PRKCH: variants seen among roughly 807,000 people sequenced by gnomAD.
The protein encoded by PRKCH is protein kinase C eta type.
Under a neutral mutation model 82.5 loss-of-function variants are expected in PRKCH, and 28 were observed. The ratio of observed to expected loss-of-function variants is 0.34; its 90% CI spans 0.25 to 0.47. The LOEUF (loss-of-function observed/expected upper bound fraction) is 0.47, where lower values mean the gene tolerates loss of function less well. PRKCH is among the 20% of genes least tolerant of loss of function. The probability of loss-of-function intolerance (pLI) is 1.00; values close to 1 mark genes in which losing one functional copy is unlikely to be tolerated. For synonymous variants in PRKCH, 322 were observed against 327.4 expected (o/e 0.98, Z 0.18); for missense variants, 705 against 881.8 (o/e 0.80, Z 2.54).
At chr14:61,206,256 G>A (rs2044522879) in intron 1 of PRKCH, among the ~76,000 whole-genome samples, 4 of 152,208 alleles carry the variant, frequency 2.6e-5, no homozygotes, top group African/African-American at 9.6e-5. Flanking sequence ...CTGAAATCAA[G>A]GTGTCATCCG....
Position 61,520,748 on chromosome 14 carries a change from C to A in PRKCH, c.1434-8327C>A, listed in dbSNP as rs35686033. On this transcript the variant is annotated intron_variant, in intron 10 of 13. Coordinates refer to ENST00000332981, the MANE Select transcript of PRKCH (RefSeq NM_006255.5). ...GAAGGATGATTCCATCTAGCCTGAA[C>A]AAGGAAGCCAAAACATTGACACTTT... is the stretch of plus-strand genomic sequence containing the variant. 3.0e-3 allele frequency among the ~76,000 whole-genome samples: 458 copies of A among 152,296 alleles called. 3 individuals are homozygous for A. The highest frequency in any genetic ancestry group is 6.5e-3 in the Admixed American group (100 of 15,294).
At chr14:61,238,116 A>G (rs149173225) in intron 1 of PRKCH, among the ~76,000 whole-genome samples, 1 of 152,390 alleles carries the variant, frequency 6.6e-6, no homozygotes, top group Non-Finnish European at 1.5e-5. Context: ...AACTTAAACT[A>G]TGTAAGTAGG....
At chr14:61,297,124 G>A (rs1399010461) in intron 1 of PRKCH, among the ~76,000 whole-genome samples, 1 of 152,108 alleles carries the variant, frequency 6.6e-6, no homozygotes, top group African/African-American at 2.4e-5. Flanking sequence ...AGATGGCACT[G>A]TGCATCTCAA....
intron 1 of PRKCH, among the ~76,000 whole-genome samples, chr14:61,264,447 C>G (rs2140081993): frequency 6.6e-6 from 1 of 152,264 alleles, no homozygotes; most frequent in Non-Finnish European, 1.5e-5. Flanking sequence ...TCTAAGAAAG[C>G]CTGATTTGGC....
At chr14:61,408,432 T>TG (rs1042619523) in intron 2 of PRKCH, among the ~76,000 whole-genome samples, 1 of 152,172 alleles carries the variant, frequency 6.6e-6, no homozygotes, top group African/African-American at 2.4e-5. Flanking sequence ...CAGTCAAAAT[T>TG]TCCTGGGAAT....
intron 1 of PRKCH, among the ~76,000 whole-genome samples, chr14:61,251,073 A>G (rs1444063539): frequency 3.3e-5 from 5 of 152,118 alleles, no homozygotes; most frequent in Non-Finnish European, 7.4e-5. Flanking sequence ...ATAGGTGTAT[A>G]TATTTTGTGG....
At chr14:61,423,353 C>A (rs1882956673) in intron 2 of PRKCH, among the ~76,000 whole-genome samples, 1 of 152,290 alleles carries the variant, frequency 6.6e-6, no homozygotes, top group South Asian at 2.1e-4. Context: ...TGATCTCCTA[C>A]AAATTTTTGG....
intron 1 of PRKCH, among the ~76,000 whole-genome samples, chr14:61,364,582 C>T (rs2046274003): frequency 6.6e-6 from 1 of 151,974 alleles, no homozygotes; most frequent in African/African-American, 2.4e-5. Flanking sequence ...ACCTGTAATC[C>T]TAGCACTTTG....
chr14:61,405,517 A>G lies in PRKCH; in HGVS notation c.427+14229A>G, dbSNP rs1010923986. 2.0e-5 allele frequency among the ~76,000 whole-genome samples: 3 copies of G among 152,194 alleles called. No individual in the cohort carries two copies. The East Asian group carries it at 5.8e-4, about 30-fold the overall frequency. ...CTCAGCCTCCTGAGTAGCTGGGATT[A>G]CAGGCGCGCAGCACCACGCCCAGCT... On this transcript the variant is annotated intron_variant, in intron 2 of 13. Coordinates refer to ENST00000332981, the MANE Select transcript of PRKCH (RefSeq NM_006255.5).
intron 1 of PRKCH, among the ~76,000 whole-genome samples, chr14:61,199,076 G>T (rs1037323678): frequency 3.9e-5 from 6 of 152,052 alleles, no homozygotes; most frequent in African/African-American, 1.4e-4. Flanking sequence ...ATCAGTAGGG[G>T]AAAGAAATGT....
At chr14:61,374,472 G>C (rs1273807886) in intron 1 of PRKCH, among the ~76,000 whole-genome samples, 1 of 152,042 alleles carries the variant, frequency 6.6e-6, no homozygotes, top group East Asian at 1.9e-4. Context: ...CACCATGAGG[G>C]CTCCATCCCT....
At chr14:61,356,643 G>A (rs1470025636) in intron 1 of PRKCH, among the ~76,000 whole-genome samples, 1 of 152,034 alleles carries the variant, frequency 6.6e-6, no homozygotes, top group Non-Finnish European at 1.5e-5. Flanking sequence ...GATCTTGGGG[G>A]GAAAAAGAGT....
At chr14:61,261,166 A>T (rs953841909) in intron 1 of PRKCH, among the ~76,000 whole-genome samples, 3 of 152,232 alleles carry the variant, frequency 2.0e-5, no homozygotes, top group Non-Finnish European at 2.9e-5. Flanking sequence ...TTGGTTTGCT[A>T]AACTAAACTG....
intron 1 of PRKCH, among the ~76,000 whole-genome samples, chr14:61,377,655 A>T (rs1241455120): frequency 1.3e-5 from 2 of 152,222 alleles, no homozygotes; most frequent in African/African-American, 4.8e-5. Flanking sequence ...AACTTTACTT[A>T]TCAAAATAGG....
In PRKCH at chr14:61,451,515, G is replaced by C. The variant is rs3783800; in HGVS notation, c.832+544G>C. 2.0e-4 allele frequency among the ~76,000 whole-genome samples: 31 copies of C among 152,304 alleles called. 1 individual carries two copies. In the East Asian group the frequency reaches 6.0e-3, roughly 29 times the overall value. ...CCTGGGTCTTGTGAAAGAGATTGGA[G>C]ACAGGGGTAGAATGAAGGAAGATAA... is the stretch of plus-strand genomic sequence containing the variant. On this transcript the variant is annotated intron_variant, in intron 6 of 13. Coordinates refer to ENST00000332981, the MANE Select transcript of PRKCH (RefSeq NM_006255.5).
intron 1 of PRKCH, among the ~76,000 whole-genome samples, chr14:61,210,788 C>CTGTGTGTGTGTGTGTG (rs1210521677): frequency 2.4e-4 from 31 of 131,716 alleles, no homozygotes; most frequent in African/African-American, 8.8e-4. Context: ...CTCTCTCTCT[C>CTGTGTGTGTGTGTGTG]TCTGTGTGTG....
chr14:61,210,282 C>T (rs1184986112), intron 1 of PRKCH, among the ~76,000 whole-genome samples: 1 of 151,318 alleles, frequency 6.6e-6, no homozygotes, highest in Non-Finnish European at 1.5e-5. Context: ...CCACTGCACT[C>T]CAGCCTGAGT....
At chr14:61,203,893 G>A (rs916080111) in intron 1 of PRKCH, among the ~76,000 whole-genome samples, 5 of 151,926 alleles carry the variant, frequency 3.3e-5, no homozygotes, top group African/African-American at 1.2e-4. Flanking sequence ...GCACACATGT[G>A]GTGCACACAC....
intron 2 of PRKCH, among the ~76,000 whole-genome samples, chr14:61,412,508 C>T (rs1228204099): frequency 2.0e-5 from 3 of 152,104 alleles, no homozygotes; most frequent in African/African-American, 7.2e-5. Context: ...CTCTCTCTAG[C>T]CAGGACTGTG....
Sources: gnomAD v4.1 joint callset for allele counts (sites outside exome capture counted in the v4.1 genomes callset) on GRCh38, gnomAD v4.1.1 for gene constraint, MANE v1.5 for transcripts, NCBI Gene and HGNC (gene_info 2026-07-23, HGNC 2026-07-21) for gene names.